The following CPED1 variants were observed in gnomAD, a reference collection of about 807,000 sequenced individuals.
CPED1 encodes the protein cadherin like and PC-esterase domain containing 1.
A neutral mutation model predicts 128.2 loss-of-function variants in CPED1; 114 were observed. The observed-to-expected ratio is 0.89, with a 90% CI of 0.76 to 1.04. CPED1 has a LOEUF of 1.04. Ranked by LOEUF, CPED1 falls within the 50% of genes least tolerant of loss-of-function variation. The probability of loss-of-function intolerance (pLI) is 0.00; values close to 1 mark genes in which losing one functional copy is unlikely to be tolerated. For synonymous variants in CPED1, 462 were observed against 426.7 expected (o/e 1.08, Z -1.02); for missense variants, 1,211 against 1,207.1 (o/e 1.00, Z -0.05).
intron 16 of CPED1, among the ~76,000 whole-genome samples, chr7:121,199,176 C>A (rs915157498): frequency 1.3e-5 from 2 of 152,152 alleles, no homozygotes; most frequent in East Asian, 3.9e-4. Flanking sequence ...AGAAGCACAG[C>A]ATTACCAAGT....
intron 2 of CPED1, among the ~76,000 whole-genome samples, chr7:121,002,352 C>A (rs1003332641): frequency 1.3e-5 from 2 of 152,158 alleles, no homozygotes; most frequent in Admixed American, 1.3e-4. Flanking sequence ...AAGCATCAAT[C>A]AGAAAGCTGA....
chr7:121,136,269 A>T (rs1057066300), intron 14 of CPED1, among the ~76,000 whole-genome samples, 179 bp downstream of exon 14: 8 of 152,226 alleles, frequency 5.3e-5, no homozygotes, highest in Non-Finnish European at 1.0e-4. Flanking sequence ...GCATAAGAAC[A>T]TAAAATATTA....
At chr7:121,137,909 G>T (rs1795818997) in intron 14 of CPED1, among the ~76,000 whole-genome samples, 1 of 151,984 alleles carries the variant, frequency 6.6e-6, no homozygotes, top group African/African-American at 2.4e-5. Context: ...GCCTCTTTGG[G>T]CTTCTATTTT....
rs573221210 is a variant in CPED1, at chr7:121,295,563, C to T, written c.2992C>T (p.Arg998Ter). The T allele has an allele frequency of 7.6e-5, 123 of 1,614,076 alleles. No individual in the cohort carries two copies. In the South Asian group the frequency reaches 8.6e-4, roughly 11 times the overall value. ...ACAACAAGGCACTGTAACAAATTTT[C>T]GATCGCCATATCATGTCAGAGGTCC... ...KLQQGTVTNF[R>*]SPYHVRGPIN... Residue 998 changes from arginine (R) to a stop codon, truncating the protein, a stop_gained, in exon 23 of 23, where the codon CGA becomes TGA. Coordinates refer to ENST00000310396, the MANE Select transcript of CPED1 (RefSeq NM_024913.5). LOFTEE classifies it high-confidence loss of function.
intron 16 of CPED1, among the ~76,000 whole-genome samples, chr7:121,161,248 G>A (rs1335356163): frequency 6.6e-6 from 1 of 152,074 alleles, no homozygotes; most frequent in East Asian, 1.9e-4. Context: ...AACCTCTGGG[G>A]AAGAGCCCAC....
At position 121,045,373 on chromosome 7, in the gene CPED1, G is replaced by T. The variant is rs182156689; in HGVS notation, c.434-1514G>T. On this transcript the variant is annotated intron_variant, in intron 3 of 22. Coordinates refer to ENST00000310396, the MANE Select transcript of CPED1 (RefSeq NM_024913.5). The stretch of plus-strand genomic sequence containing the variant: ...GCCTGGATTCCTTGTTTGGCAGACA[G>T]GTTTCCCTTCCAACAACAGGACAAT... Among the ~76,000 whole-genome samples the T allele has an allele frequency of 2.0e-5, 3 of 152,268 alleles. No individual in the cohort carries two copies. In the East Asian group the frequency reaches 5.8e-4, roughly 29 times the overall value.
At chr7:121,169,337 T>A (rs368884782) in intron 16 of CPED1, among the ~76,000 whole-genome samples, 7 of 152,198 alleles carry the variant, frequency 4.6e-5, no homozygotes, top group African/African-American at 1.7e-4. Context: ...AGCAACTTTA[T>A]TGAATATGAA....
rs188725294 is a variant in CPED1 at position 121,143,857 on chromosome 7, C to T, written c.2055+1716C>T. On this transcript the variant is annotated intron_variant, in intron 16 of 22. Coordinates refer to ENST00000310396, the MANE Select transcript of CPED1 (RefSeq NM_024913.5). ...ATATGCCCATAAAAAGACACACACA[C>T]ACAAAATCTTCGTATTGGTTTTATT... Among the ~76,000 whole-genome samples the T allele has an allele frequency of 3.3e-5, 5 of 151,926 alleles. No individual in the cohort carries two copies. The East Asian group carries it at 7.8e-4, about 24-fold the overall frequency.
intron 16 of CPED1, among the ~76,000 whole-genome samples, chr7:121,223,000 G>A (rs1396119578): frequency 1.3e-5 from 2 of 152,132 alleles, no homozygotes; most frequent in Admixed American, 6.6e-5. Context: ...ATGTTGAATA[G>A]GATTGGTGAG....
chr7:121,158,047 C>T (rs1312246431), intron 16 of CPED1, among the ~76,000 whole-genome samples: 1 of 152,054 alleles, frequency 6.6e-6, no homozygotes, highest in Non-Finnish European at 1.5e-5. Flanking sequence ...AATTATAATT[C>T]ATTACTTTAA....
intron 5 of CPED1, among the ~76,000 whole-genome samples, chr7:121,072,890 G>A (rs1263211257): frequency 6.6e-6 from 1 of 152,132 alleles, no homozygotes; most frequent in African/African-American, 2.4e-5. Context: ...TATCTTCAGA[G>A]TGAAGTCTAC....
chr7:121,161,687 G>A (rs1284501016), intron 16 of CPED1, among the ~76,000 whole-genome samples: 5 of 152,110 alleles, frequency 3.3e-5, no homozygotes, highest in African/African-American at 1.2e-4. Flanking sequence ...TAAAGAGTGG[G>A]AGCTGCAAAT....
intron 16 of CPED1, among the ~76,000 whole-genome samples, chr7:121,235,611 AG>A (rs1798235071): frequency 6.6e-6 from 1 of 152,148 alleles, no homozygotes; most frequent in African/African-American, 2.4e-5. Flanking sequence ...GACACAATAA[AG>A]TCTAACTTTT....
intron 7 of CPED1, among the ~76,000 whole-genome samples, chr7:121,103,694 C>T (rs1164443611): frequency 2.0e-5 from 3 of 151,882 alleles, no homozygotes; most frequent in Non-Finnish European, 2.9e-5. Context: ...TGTATGTGCA[C>T]GTGTGTGTGT....
At chr7:121,064,810 A>G (rs934848744) in intron 5 of CPED1, among the ~76,000 whole-genome samples, 1 of 152,170 alleles carries the variant, frequency 6.6e-6, no homozygotes, top group Admixed American at 6.5e-5. Context: ...AAAAATTACC[A>G]TCTTCAGTTT....
intron 5 of CPED1, 41 bp downstream of exon 5, chr7:121,064,354 T>G (rs1793769920): frequency 2.2e-6 from 3 of 1,373,542 alleles, no homozygotes; most frequent in Non-Finnish European, 3.1e-6. Flanking sequence ...ACATGTGAGA[T>G]ATGCAGGCTC....
At chr7:121,279,479 C>A (rs943693149) in intron 22 of CPED1, among the ~76,000 whole-genome samples, 16 of 101,394 alleles carry the variant, frequency 1.6e-4, no homozygotes, top group Non-Finnish European at 3.5e-4. Context: ...AACAGAATAA[C>A]TCATAACAGA....
chr7:120,989,489 T>A lies in CPED1; in HGVS notation c.-133T>A. The A allele has an allele frequency of 8.3e-7, 1 of 1,207,260 alleles. No individual in the cohort carries two copies. The allele number at this position is 1,207,260 out of a possible 1,614,324, so 74.8% of individuals were successfully genotyped here. ...TTGGCACAACCTTTTGGAAAATTCT[T>A]AAGCAGGGATGAAGCAAACTTGATT... On this transcript the variant is annotated 5_prime_UTR_variant, in exon 2 of 23. An upstream open reading frame in the 5' UTR loses its in-frame stop. Transcript: ENST00000310396.
At chr7:121,168,605 C>T (rs1045055736) in intron 16 of CPED1, among the ~76,000 whole-genome samples, 2 of 152,140 alleles carry the variant, frequency 1.3e-5, no homozygotes, top group South Asian at 2.1e-4. Flanking sequence ...CAATTACGCT[C>T]TTTAAGTTAT....
Sources: allele counts gnomAD v4.1 joint callset (sites outside exome capture counted in the v4.1 genomes callset), GRCh38; gene constraint gnomAD v4.1.1; transcripts MANE v1.5; gene names NCBI Gene and HGNC (gene_info 2026-07-23, HGNC 2026-07-21).